RBMS3: variants seen among roughly 807,000 people sequenced by gnomAD.
The protein encoded by RBMS3 is RNA binding motif single stranded interacting protein 3.
A neutral mutation model predicts 66.8 loss-of-function variants in RBMS3; 27 were observed. That is an observed-to-expected ratio of 0.40 (90% CI 0.30 to 0.56). The LOEUF is 0.56. RBMS3 is among the 20% of genes least tolerant of loss of function. RBMS3 has a pLI of 0.40. For missense variants in RBMS3, 513 were observed against 549.5 expected, an observed-to-expected ratio of 0.93 and a Z score of 0.66; for synonymous variants, 188 against 183.0, an observed-to-expected ratio of 1.03 and a Z score of -0.22.
chr3:29,494,891 C>T (rs1576005731), intron 3 of RBMS3, among the ~76,000 whole-genome samples: 1 of 147,878 alleles, frequency 6.8e-6, no homozygotes, highest in African/African-American at 2.4e-5. Flanking sequence ...GCCTATTAAC[C>T]ATAGGATATA....
intron 10 of RBMS3, among the ~76,000 whole-genome samples, chr3:29,909,819 C>G (rs2060473036): frequency 6.6e-6 from 1 of 152,038 alleles, no homozygotes; most frequent in Non-Finnish European, 1.5e-5. Flanking sequence ...TACCTTTCTG[C>G]ATGTGGTTTT....
chr3:29,660,016 A>G (rs554854107), intron 4 of RBMS3, among the ~76,000 whole-genome samples: 1 of 152,194 alleles, frequency 6.6e-6, no homozygotes. Context: ...GTAATGTTTT[A>G]TCGTTTTTAT....
At chr3:29,884,439 TCTCTCTCTCTCTCTCTCTCTCTCTCTCTC>T (rs1559767223) in intron 8 of RBMS3, among the ~76,000 whole-genome samples, 1 of 118,408 alleles carries the variant, frequency 8.4e-6, no homozygotes, top group Non-Finnish European at 1.8e-5. Flanking sequence ...TCTCTCTCTC[TCTCTCTCTCTCTCTCTCTCTCTCTCTCTC>T]TCCCCCCCCG....
chr3:29,727,593 C>G (rs2149330690), intron 4 of RBMS3, among the ~76,000 whole-genome samples: 1 of 151,760 alleles, frequency 6.6e-6, no homozygotes, highest in African/African-American at 2.4e-5. Context: ...ATGCAGCCAA[C>G]AAATATTAAA....
intron 3 of RBMS3, among the ~76,000 whole-genome samples, chr3:29,520,575 T>C (rs754998984): frequency 6.6e-6 from 1 of 152,160 alleles, no homozygotes; most frequent in South Asian, 2.1e-4. Flanking sequence ...TTAGCCAACA[T>C]AAACTGAGAA....
At chr3:29,836,789 A>ATT (rs2058520274) in intron 6 of RBMS3, among the ~76,000 whole-genome samples, 2 of 151,418 alleles carry the variant, frequency 1.3e-5, no homozygotes, top group South Asian at 4.2e-4. Context: ...CACTATATAT[A>ATT]TATATATATA....
At chr3:29,879,145 A>G (rs1378636148) in intron 7 of RBMS3, among the ~76,000 whole-genome samples, 1 of 152,190 alleles carries the variant, frequency 6.6e-6, no homozygotes, top group Non-Finnish European at 1.5e-5. Flanking sequence ...GTTGAAATTC[A>G]TTTTTAGTTT....
At chr3:29,663,919 A>C (rs1390705556) in intron 4 of RBMS3, among the ~76,000 whole-genome samples, 3 of 152,188 alleles carry the variant, frequency 2.0e-5, no homozygotes, top group Non-Finnish European at 4.4e-5. Context: ...TGGATAAAGG[A>C]ATGAATTAAT....
intron 3 of RBMS3, among the ~76,000 whole-genome samples, chr3:29,558,523 A>T (rs944422431): frequency 1.3e-5 from 2 of 152,214 alleles, no homozygotes; most frequent in Admixed American, 1.3e-4. Flanking sequence ...GGCCCCATAG[A>T]ATAACTTGTA....
At chr3:29,529,572 G>C (rs938592412) in intron 3 of RBMS3, among the ~76,000 whole-genome samples, 7 of 152,086 alleles carry the variant, frequency 4.6e-5, no homozygotes, top group Non-Finnish European at 7.3e-5. Flanking sequence ...GATATACATA[G>C]AGTATATATA....
chr3:29,551,894 T>C (rs1370814768), intron 3 of RBMS3, among the ~76,000 whole-genome samples: 1 of 152,192 alleles, frequency 6.6e-6, no homozygotes, highest in Non-Finnish European at 1.5e-5. Flanking sequence ...TAGAAAGGTT[T>C]GCCTTCCCAT....
intron 3 of RBMS3, among the ~76,000 whole-genome samples, chr3:29,500,833 T>A (rs1486328346): frequency 6.7e-6 from 1 of 148,902 alleles, no homozygotes; most frequent in Non-Finnish European, 1.5e-5. Flanking sequence ...TGTATGTCAG[T>A]ACATCTGTGT....
At chr3:29,900,280 A>C (rs1215257085) in intron 10 of RBMS3, among the ~76,000 whole-genome samples, 1 of 151,800 alleles carries the variant, frequency 6.6e-6, no homozygotes, top group Non-Finnish European at 1.5e-5. Flanking sequence ...GTCTGCTAAT[A>C]GATGAATTTA....
At chr3:29,298,218 T>C (rs1037863724) in intron 1 of RBMS3, among the ~76,000 whole-genome samples, 1 of 151,872 alleles carries the variant, frequency 6.6e-6, no homozygotes, top group Non-Finnish European at 1.5e-5. Context: ...CTGTTCCACA[T>C]CCTGTACTCG....
At chr3:29,663,470 T>C (rs927809989) in intron 4 of RBMS3, among the ~76,000 whole-genome samples, 8 of 152,234 alleles carry the variant, frequency 5.3e-5, no homozygotes, top group Non-Finnish European at 1.2e-4. Context: ...GAGATATCTT[T>C]GTGGCCTTTA....
intron 4 of RBMS3, among the ~76,000 whole-genome samples, chr3:29,637,733 G>A (rs1376369225): frequency 6.6e-6 from 1 of 151,742 alleles, no homozygotes; most frequent in African/African-American, 2.4e-5. Context: ...TCCTCATTAT[G>A]GAGTATTTAT....
intron 6 of RBMS3, among the ~76,000 whole-genome samples, chr3:29,763,866 G>A (rs2055805137): frequency 6.6e-6 from 1 of 152,014 alleles, no homozygotes; most frequent in Admixed American, 6.6e-5. Flanking sequence ...TGGTTTATTT[G>A]TTGGTCTTTT....
intron 4 of RBMS3, among the ~76,000 whole-genome samples, chr3:29,621,942 T>C (rs1182302306): frequency 6.6e-6 from 1 of 152,154 alleles, no homozygotes; most frequent in Admixed American, 6.5e-5. Flanking sequence ...TACATATACT[T>C]GTGGAAAACT....
chr3:29,502,960 A>G (rs1013640781), intron 3 of RBMS3, among the ~76,000 whole-genome samples: 1 of 152,048 alleles, frequency 6.6e-6, no homozygotes, highest in Non-Finnish European at 1.5e-5. Context: ...CTTGCCTCCC[A>G]TATTTGCTCA....
Sources: allele counts gnomAD v4.1 joint callset (sites outside exome capture counted in the v4.1 genomes callset), GRCh38; gene constraint gnomAD v4.1.1; transcripts MANE v1.5; gene names NCBI Gene and HGNC (gene_info 2026-07-23, HGNC 2026-07-21).